The following SLC15A1 variants were observed in gnomAD, a reference collection of about 807,000 sequenced individuals.
The protein encoded by SLC15A1 is Caco-2 oligopeptide transporter.
A neutral mutation model predicts 92.9 loss-of-function variants in SLC15A1; 83 were observed. The observed-to-expected ratio is 0.89, with a 90% CI of 0.75 to 1.07. The LOEUF (loss-of-function observed/expected upper bound fraction) is 1.07, where lower values mean the gene tolerates loss of function less well. Ranked by LOEUF, SLC15A1 falls within the 50% of genes least tolerant of loss-of-function variation. SLC15A1 has a pLI of 0.00. For missense variants in SLC15A1, 857 were observed against 880.1 expected (o/e 0.97, Z 0.33); for synonymous variants, 322 against 318.2 (o/e 1.01, Z -0.13).
intron 22 of SLC15A1, 29 bp downstream of exon 22, chr13:98,686,161 T>G (rs2087927262): frequency 4.0e-6 from 6 of 1,483,560 alleles, no homozygotes; most frequent in Non-Finnish European, 5.6e-6. Flanking sequence ...AAGACAGAGG[T>G]ATGTGCAATC....
chr13:98,731,579 A>C (rs1200824273), intron 1 of SLC15A1, among the ~76,000 whole-genome samples: 2 of 151,950 alleles, frequency 1.3e-5, no homozygotes, highest in Non-Finnish European at 2.9e-5. Flanking sequence ...AATCACCCAA[A>C]TCCAGCAGAG....
chr13:98,691,130 G>T, intron 18 of SLC15A1, among the ~76,000 whole-genome samples: 1 of 151,766 alleles, frequency 6.6e-6, no homozygotes, highest in East Asian at 1.9e-4. Context: ...TGCAACCTCC[G>T]CCTCCCAGGT....
intron 1 of SLC15A1, among the ~76,000 whole-genome samples, chr13:98,733,056 G>C (rs781676066): frequency 6.6e-6 from 1 of 152,182 alleles, no homozygotes; most frequent in Admixed American, 6.5e-5. Context: ...AAGCAGGGGA[G>C]TGACTGCAAT....
chr13:98,685,264 G>A (rs2087920832), intron 22 of SLC15A1, among the ~76,000 whole-genome samples: 1 of 152,138 alleles, frequency 6.6e-6, no homozygotes. Context: ...CCCCACAAGG[G>A]AAAAATGAAT....
At chr13:98,716,717 GAATT>G (rs1435231853) in intron 8 of SLC15A1, among the ~76,000 whole-genome samples, 1 of 152,122 alleles carries the variant, frequency 6.6e-6, no homozygotes, top group Non-Finnish European at 1.5e-5. Context: ...CAGGAAAAAA[GAATT>G]AATCTTAATC....
At chr13:98,687,861 C>G in intron 20 of SLC15A1, 137 bp from the exon 21 acceptor site, 1 of 1,029,744 alleles carries the variant, frequency 9.7e-7, no homozygotes, top group Non-Finnish European at 1.4e-6. Context: ...AAACATAAGG[C>G]AACACTGCAT....
chr13:98,720,421 A>G (rs2088247747), intron 7 of SLC15A1: 2 of 152,384 alleles, frequency 1.3e-5, no homozygotes, highest in South Asian at 4.1e-4. Context: ...AAAAGCTGTT[A>G]CATTTTTATA....
chr13:98,743,528 C>T (rs1392241068), intron 1 of SLC15A1, among the ~76,000 whole-genome samples: 3 of 152,202 alleles, frequency 2.0e-5, no homozygotes, highest in East Asian at 3.8e-4. Flanking sequence ...GATTTCCAAC[C>T]TGCTCTCAGC....
intron 1 of SLC15A1, among the ~76,000 whole-genome samples, chr13:98,740,040 G>A (rs1189158732): frequency 7.9e-5 from 12 of 152,198 alleles, no homozygotes; most frequent in South Asian, 2.1e-4. Flanking sequence ...ATGATGTCAC[G>A]CTGGAAGTCA....
chr13:98,752,363 C>G (rs2088553803), intron 1 of SLC15A1, among the ~76,000 whole-genome samples: 1 of 152,172 alleles, frequency 6.6e-6, no homozygotes. Context: ...AGGATCGCAA[C>G]CTCGGCGGAG....
intron 8 of SLC15A1, among the ~76,000 whole-genome samples, chr13:98,718,561 A>G (rs2088230019): frequency 6.6e-6 from 1 of 152,122 alleles, no homozygotes; most frequent in African/African-American, 2.4e-5. Context: ...TCATGCCTGT[A>G]ATCCCAGCAC....
At chr13:98,690,627 T>A (rs976533871) in intron 18 of SLC15A1, among the ~76,000 whole-genome samples, 23 of 151,930 alleles carry the variant, frequency 1.5e-4, no homozygotes, top group African/African-American at 5.3e-4. Context: ...ACAGTCCGAG[T>A]AACTTAATGA....
Position 98,687,926 on chromosome 13 carries a change from A to G in SLC15A1, c.1684-202T>C, listed in dbSNP as rs535294341. Reference sequence around the variant, plus strand: ...GTTCAGGAGGATTTTTCTTTTAGATAAGAGAGTAGGTTGGAAGTCATTTTA... The same window carrying G: ...GTTCAGGAGGATTTTTCTTTTAGATGAGAGAGTAGGTTGGAAGTCATTTTA... On this transcript the variant is annotated intron_variant, in intron 20 of 22. Coordinates refer to ENST00000376503, the MANE Select transcript of SLC15A1 (RefSeq NM_005073.4). Among the ~76,000 whole-genome samples the G allele has an allele frequency of 7.9e-5, 12 of 152,348 alleles. No individual in the cohort carries two copies. The South Asian group carries it at 2.5e-3, about 32-fold the overall frequency.
intron 1 of SLC15A1, among the ~76,000 whole-genome samples, chr13:98,736,023 C>A (rs2088391224): frequency 6.6e-6 from 1 of 152,174 alleles, no homozygotes; most frequent in Admixed American, 6.5e-5. Context: ...AAAAAGAGCC[C>A]TCTTTGCCAA....
intron 1 of SLC15A1, among the ~76,000 whole-genome samples, chr13:98,744,532 T>C (rs1330512421): frequency 2.0e-5 from 3 of 151,626 alleles, no homozygotes; most frequent in Non-Finnish European, 4.4e-5. Flanking sequence ...GGGCAGATCA[T>C]GAGGTTAGGA....
chr13:98,704,339 G>T lies in SLC15A1; in HGVS notation c.1366C>A (p.Gln456Lys), dbSNP rs2088094907. The change falls in exon 17 of 23, where the codon CAG becomes AAG. Residue 456 changes from glutamine to lysine, a missense_variant. Coordinates refer to ENST00000376503, the MANE Select transcript of SLC15A1 (RefSeq NM_005073.4). Reference sequence around the variant, plus strand: ...ACTAGAAGCGTGTGGCGTTGGCCCTGCTTGAAGTCGTCAGTTACAGCAGTG... The same window carrying T: ...ACTAGAAGCGTGTGGCGTTGGCCCTTCTTGAAGTCGTCAGTTACAGCAGTG... ...PVTAVTDDFKQGQRHTLLVWA... is the reference protein window; with the variant it reads ...PVTAVTDDFKKGQRHTLLVWA... 6.2e-7 allele frequency: 1 copy of T among 1,613,948 alleles called. No individual in the cohort carries two copies. Among genetic ancestry groups the T allele is most frequent in the East Asian group, 2.2e-5 (1 of 44,862 alleles).
At chr13:98,734,445 A>G (rs1261978413) in intron 1 of SLC15A1, among the ~76,000 whole-genome samples, 1 of 152,286 alleles carries the variant, frequency 6.6e-6, no homozygotes, top group Admixed American at 6.5e-5. Context: ...CAGTGGGTGC[A>G]GCCACGGAGG....
At chr13:98,716,092 T>C (rs2088209756) in intron 8 of SLC15A1, 132 bp from the exon 9 acceptor site, 1 of 737,268 alleles carries the variant, frequency 1.4e-6, no homozygotes, top group African/African-American at 1.7e-5. Flanking sequence ...GGGTTTACCT[T>C]CCAACCTCAC....
chr13:98,713,098 C>T lies in SLC15A1; in HGVS notation c.724-514G>A, dbSNP rs117657141. 5.0e-4 allele frequency among the ~76,000 whole-genome samples: 76 copies of T among 152,294 alleles called. No homozygotes were observed. In the East Asian group the frequency reaches 0.013, roughly 26 times the overall value. On this transcript the variant is annotated intron_variant, in intron 9 of 22. Coordinates refer to ENST00000376503, the MANE Select transcript of SLC15A1 (RefSeq NM_005073.4). Reference sequence around the variant, plus strand: ...TTGAGACAAGGTCTTGCTCTGTCGCCTAGGCTGAAATACAGTGGCACTGTC... The same window carrying T: ...TTGAGACAAGGTCTTGCTCTGTCGCTTAGGCTGAAATACAGTGGCACTGTC...
Sources: allele counts gnomAD v4.1 joint callset (sites outside exome capture counted in the v4.1 genomes callset), GRCh38; gene constraint gnomAD v4.1.1; transcripts MANE v1.5; gene names NCBI Gene and HGNC (gene_info 2026-07-23, HGNC 2026-07-21).